DGKI: variants seen among roughly 807,000 people sequenced by gnomAD.
DGKI encodes the protein DAG kinase iota.
DGKI carries 55 observed loss-of-function variants against 147.5 expected under a neutral mutation model. That is an observed-to-expected ratio of 0.37 (90% confidence interval 0.30 to 0.47). DGKI has a LOEUF of 0.47. DGKI is among the 20% of genes least tolerant of loss of function. The pLI is 1.00. For missense variants in DGKI, 1,007 were observed against 1,323.8 expected (o/e 0.76, Z 3.71); for synonymous variants, 469 against 477.1 (o/e 0.98, Z 0.22).
chr7:137,837,710 C>A (rs1349918128), intron 1 of DGKI, among the ~76,000 whole-genome samples: 1 of 152,170 alleles, frequency 6.6e-6, no homozygotes, highest in Non-Finnish European at 1.5e-5. Flanking sequence ...AGAACCTGAC[C>A]ATGTTGGTGC....
chr7:137,452,506 CT>C, intron 27 of DGKI, among the ~76,000 whole-genome samples: 1 of 152,342 alleles, frequency 6.6e-6, no homozygotes, highest in Non-Finnish European at 1.5e-5. Context: ...TTGTGAAGTT[CT>C]TGTTGGGGAA....
intron 1 of DGKI, among the ~76,000 whole-genome samples, chr7:137,835,636 GT>G (rs1052035398): frequency 2.0e-5 from 3 of 151,892 alleles, no homozygotes; most frequent in African/African-American, 7.3e-5. Flanking sequence ...CACACTTGTA[GT>G]TTCATGTTTT....
At chr7:137,476,556 G>C (rs1815178484) in intron 23 of DGKI, among the ~76,000 whole-genome samples, 1 of 152,044 alleles carries the variant, frequency 6.6e-6, no homozygotes, top group Non-Finnish European at 1.5e-5. Flanking sequence ...TTAGTTTTAG[G>C]GTTACCTGGA....
At chr7:137,449,876 T>A (rs1009631832) in intron 27 of DGKI, among the ~76,000 whole-genome samples, 2 of 152,162 alleles carry the variant, frequency 1.3e-5, no homozygotes, top group Non-Finnish European at 2.9e-5. Flanking sequence ...AGATATGGAA[T>A]CAACCTAAGT....
intron 23 of DGKI, among the ~76,000 whole-genome samples, chr7:137,479,691 A>T (rs1011029533): frequency 2.0e-5 from 3 of 152,194 alleles, no homozygotes; most frequent in Non-Finnish European, 4.4e-5. Context: ...GAAAAGACAT[A>T]AACAGAAACA....
chr7:137,814,763 G>T (rs1348062010), intron 1 of DGKI, among the ~76,000 whole-genome samples: 1 of 152,116 alleles, frequency 6.6e-6, no homozygotes, highest in African/African-American at 2.4e-5. Flanking sequence ...CCCCGCTAGA[G>T]AACAAGTATA....
chr7:137,532,296 T>C (rs951812784), intron 20 of DGKI, among the ~76,000 whole-genome samples: 3 of 152,170 alleles, frequency 2.0e-5, no homozygotes, highest in Non-Finnish European at 4.4e-5. Context: ...CATGTTTTGT[T>C]TTTATAATGG....
chr7:137,635,223 G>C (rs1244566262), intron 6 of DGKI, among the ~76,000 whole-genome samples: 1 of 152,124 alleles, frequency 6.6e-6, no homozygotes, highest in African/African-American at 2.4e-5. Flanking sequence ...TGCTATATGT[G>C]GGTCCAATAG....
intron 20 of DGKI, among the ~76,000 whole-genome samples, chr7:137,542,375 A>G (rs1475196714): frequency 7.2e-5 from 11 of 152,196 alleles, no homozygotes; most frequent in Admixed American, 6.5e-4. Flanking sequence ...ATATCCTTCA[A>G]TGGGGGAGTG....
intron 1 of DGKI, among the ~76,000 whole-genome samples, chr7:137,843,666 A>G (rs1411108315): frequency 6.6e-6 from 1 of 151,666 alleles, no homozygotes; most frequent in Non-Finnish European, 1.5e-5. Flanking sequence ...AAAAGACAGG[A>G]GTCACTGCAT....
In DGKI at chr7:137,411,011, A is replaced by G. The variant is rs116837534; in HGVS notation, c.2799+1159T>C. ...CAAGATGTTTGCAAACATTTTCACCATTTGTTTTCCTCTAGTAACCTGTTG... is the reference window on the plus strand; with the variant it reads ...CAAGATGTTTGCAAACATTTTCACCGTTTGTTTTCCTCTAGTAACCTGTTG... On this transcript the variant is annotated intron_variant, in intron 29 of 32. Coordinates refer to ENST00000614521, the MANE Select transcript of DGKI (RefSeq NM_001321708.2). Among the ~76,000 whole-genome samples the G allele has an allele frequency of 8.6e-3, 1,307 of 152,322 alleles. 17 individuals carry two copies. The highest frequency in any genetic ancestry group is 0.03 in the African/African-American group (1,258 of 41,572).
chr7:137,430,596 A>T (rs960672550), intron 28 of DGKI, among the ~76,000 whole-genome samples: 1 of 152,018 alleles, frequency 6.6e-6, no homozygotes, highest in East Asian at 1.9e-4. Flanking sequence ...GAAAAAGAAT[A>T]TCTAGAAACT....
At chr7:137,439,622 T>C (rs1813416772) in intron 28 of DGKI, among the ~76,000 whole-genome samples, 4 of 152,184 alleles carry the variant, frequency 2.6e-5, no homozygotes, top group African/African-American at 9.7e-5. Flanking sequence ...GAGATTTAGG[T>C]GGGGACACAG....
At chr7:137,771,406 C>T (rs528710188) in intron 1 of DGKI, among the ~76,000 whole-genome samples, 1 of 152,104 alleles carries the variant, frequency 6.6e-6, no homozygotes, top group African/African-American at 2.4e-5. Flanking sequence ...TCTTAAATCT[C>T]GAACAAAGCA....
At chr7:137,485,228 A>C in intron 23 of DGKI, 146 bp downstream of exon 23, 1 of 686,350 alleles carries the variant, frequency 1.5e-6, no homozygotes, top group Admixed American at 3.1e-5. Flanking sequence ...AATGCAAAAG[A>C]ATCAGAATAC....
intron 1 of DGKI, among the ~76,000 whole-genome samples, chr7:137,792,244 A>T (rs1397185477): frequency 6.6e-6 from 1 of 152,196 alleles, no homozygotes; most frequent in African/African-American, 2.4e-5. Context: ...AGATAGAGAT[A>T]AAGTTAGTTT....
chr7:137,623,626 T>C (rs2128998708), intron 6 of DGKI, 72 bp from the exon 7 acceptor site: 1 of 1,337,756 alleles, frequency 7.5e-7, no homozygotes, highest in Non-Finnish European at 1.1e-6. Flanking sequence ...CCTCCTGAAG[T>C]GCAATGACGT....
At chr7:137,593,280 G>A (rs1052060318) in intron 12 of DGKI, among the ~76,000 whole-genome samples, 2 of 152,144 alleles carry the variant, frequency 1.3e-5, no homozygotes, top group Admixed American at 1.3e-4. Context: ...ATGAGAGTAC[G>A]TGAGCCTCAG....
chr7:137,527,016 A>C (rs1045192716), intron 20 of DGKI, among the ~76,000 whole-genome samples: 1 of 152,164 alleles, frequency 6.6e-6, no homozygotes, highest in Non-Finnish European at 1.5e-5. Flanking sequence ...ATTATATAGG[A>C]GTGATATCCG....
Sources: gnomAD v4.1 joint callset for allele counts (sites outside exome capture counted in the v4.1 genomes callset) on GRCh38, gnomAD v4.1.1 for gene constraint, MANE v1.5 for transcripts, NCBI Gene and HGNC (gene_info 2026-07-23, HGNC 2026-07-21) for gene names.